C1orf105: variants seen among roughly 807,000 people sequenced by gnomAD.
C1orf105 encodes uncharacterized protein C1orf105.
In C1orf105, 17 loss-of-function variants were observed where a neutral mutation model predicts 20.8. That is an observed-to-expected ratio of 0.82 (90% CI 0.56 to 1.23). The LOEUF is 1.23. Among genes scored for constraint, C1orf105 ranks in the 50% most tolerant of loss-of-function variants. The pLI is 0.00. For synonymous variants in C1orf105, 72 were observed against 72.1 expected (o/e 1.00, Z 0.01); for missense variants, 219 against 213.5 (o/e 1.03, Z -0.16).
At chr1:172,428,945 G>C in intron 1 of C1orf105, 1 of 572,222 alleles carries the variant, frequency 1.7e-6, no homozygotes. Flanking sequence ...ATATTTTGTT[G>C]GATTTTGGGG....
chr1:172,431,326 G>A (rs988068890), intron 1 of C1orf105: 10 of 396,542 alleles, frequency 2.5e-5, no homozygotes, highest in Non-Finnish European at 4.0e-5. Context: ...GAGCCTTACT[G>A]TTAATACAGA....
intron 1 of C1orf105, 76 bp downstream of exon 1, chr1:172,420,982 G>T: frequency 7.3e-7 from 1 of 1,375,960 alleles, no homozygotes; most frequent in Non-Finnish European, 1.0e-6. Flanking sequence ...TGCCTTGGAG[G>T]CCACATAAAC....
intron 1 of C1orf105, chr1:172,442,370 G>T (rs749584382): frequency 1.9e-6 from 3 of 1,613,236 alleles, no homozygotes; most frequent in African/African-American, 2.7e-5. Context: ...GTCCCTAAAA[G>T]CCAATGGGGG....
intron 3 of C1orf105, 72 bp downstream of exon 3, chr1:172,448,603 C>T (rs1178132016): frequency 2.3e-6 from 2 of 867,292 alleles, no homozygotes; most frequent in Non-Finnish European, 3.9e-6. Context: ...ATACATGTCC[C>T]ATCTCCTTAG....
At chr1:172,452,194 C>T (rs1380885221) in intron 3 of C1orf105, among the ~76,000 whole-genome samples, 1 of 152,142 alleles carries the variant, frequency 6.6e-6, no homozygotes, top group Non-Finnish European at 1.5e-5. Flanking sequence ...TAAGAGTTTA[C>T]TCTTCCCCTG....
intron 1 of C1orf105, among the ~76,000 whole-genome samples, chr1:172,433,406 C>T (rs988654455): frequency 1.3e-5 from 2 of 152,206 alleles, no homozygotes; most frequent in African/African-American, 4.8e-5. Context: ...GTAGACCTCT[C>T]AGCAGAAACC....
chr1:172,468,702 G>A lies in C1orf105; in HGVS notation c.*108G>A. 7.8e-7 allele frequency: 1 copy of A among 1,287,630 alleles called. No individual in the cohort carries two copies. The highest frequency in any genetic ancestry group is 2.2e-5 in the Admixed American group (1 of 44,544). 79.8% of individuals were successfully genotyped at this position (1,287,630 alleles called of 1,614,324 possible). ...CACAATTTTCTCTCTTCTCCCAAAAGATGATTTAATTTTGCCTTCCTAAGA... is the reference window on the plus strand; with the variant it reads ...CACAATTTTCTCTCTTCTCCCAAAAAATGATTTAATTTTGCCTTCCTAAGA... On this transcript the variant is annotated 3_prime_UTR_variant, in exon 7 of 7. Transcript: ENST00000367727.
chr1:172,459,339 C>T (rs1649528261), intron 4 of C1orf105, among the ~76,000 whole-genome samples: 1 of 152,042 alleles, frequency 6.6e-6, no homozygotes, highest in Non-Finnish European at 1.5e-5. Context: ...ACTTAAAACT[C>T]AACAATAAAA....
At chr1:172,443,034 G>A (rs1033122054) in intron 1 of C1orf105, 6 of 180,926 alleles carry the variant, frequency 3.3e-5, no homozygotes, top group Admixed American at 2.3e-4. Flanking sequence ...CGCTTATTGA[G>A]TACCTACTAT....
At chr1:172,451,242 C>T (rs2149179950) in intron 3 of C1orf105, 1 of 152,366 alleles carries the variant, frequency 6.6e-6, no homozygotes, top group South Asian at 2.1e-4. Flanking sequence ...TGCCACTCCA[C>T]CCTCTCAATT....
intron 1 of C1orf105, among the ~76,000 whole-genome samples, chr1:172,439,785 A>G (rs542944303): frequency 6.6e-6 from 1 of 152,302 alleles, no homozygotes; most frequent in South Asian, 2.1e-4. Flanking sequence ...AAAAACTACA[A>G]TTTCATAGAA....
Position 172,421,863 on chromosome 1 carries a change from T to C in C1orf105, c.21+957T>C, listed in dbSNP as rs150919599. ...TGCACTTGGAGGGAGGGCACAGCGA[T>C]TGTGGGACTCTAGAATTCAGTGCTG... On this transcript the variant is annotated intron_variant, in intron 1 of 6. Transcript: ENST00000367727. 3.3e-5 allele frequency among the ~76,000 whole-genome samples: 5 copies of C among 151,642 alleles called. No individual in the cohort carries two copies. In the East Asian group the frequency reaches 7.8e-4, roughly 24 times the overall value.
chr1:172,442,273 C>A (rs1403279379), intron 1 of C1orf105: 2 of 1,613,824 alleles, frequency 1.2e-6, no homozygotes, highest in Non-Finnish European at 1.7e-6. Flanking sequence ...CAGGTCAGCC[C>A]ACCGGGTCTG....
Position 172,456,409 on chromosome 1 carries a change from C to T in C1orf105, c.199-6C>T. ...CTCACCTCTCTCTGTCTCTCTTTCC[C>T]CTCAGGCCAGGAGGAACCAGTGTGA... On this transcript the variant is annotated splice_polypyrimidine_tract_variant and splice_region_variant and intron_variant, in intron 3 of 6. Coordinates refer to ENST00000367727, the MANE Select transcript of C1orf105 (RefSeq NM_139240.4). 1 of 1,612,126 alleles carries T rather than the reference C, an allele frequency of 6.2e-7. No homozygotes were observed. Among genetic ancestry groups the T allele is most frequent in the Non-Finnish European group, 8.5e-7 (1 of 1,179,598 alleles).
intron 1 of C1orf105, 71 bp downstream of exon 1, chr1:172,420,977 T>C: frequency 1.4e-6 from 2 of 1,396,122 alleles, no homozygotes; most frequent in Non-Finnish European, 2.0e-6. Context: ...TTGTATGCCT[T>C]GGAGGCCACA....
At chr1:172,442,691 T>G in intron 1 of C1orf105, 1 of 1,366,632 alleles carries the variant, frequency 7.3e-7, no homozygotes, top group Admixed American at 1.9e-5. Flanking sequence ...TTCTTGTTCT[T>G]TATGAAGTTT....
chr1:172,433,716 T>C (rs142726169), intron 1 of C1orf105, among the ~76,000 whole-genome samples: 34 of 152,212 alleles, frequency 2.2e-4, no homozygotes, highest in Non-Finnish European at 1.8e-4. Context: ...GATATCCAGC[T>C]AACATCACAA....
At chr1:172,444,100 C>T (rs1393141354) in intron 1 of C1orf105, 1 of 995,264 alleles carries the variant, frequency 1.0e-6, no homozygotes, top group Non-Finnish European at 1.2e-6. Context: ...GCCGCAATCT[C>T]CTTAGCGAGG....
intron 3 of C1orf105, chr1:172,451,140 A>C (rs1447864642): frequency 3.3e-5 from 5 of 152,290 alleles, no homozygotes; most frequent in Non-Finnish European, 1.5e-5. Context: ...GACCCGGAAA[A>C]CTGCAGCTGG....
Sources: gnomAD v4.1 joint callset for allele counts (sites outside exome capture counted in the v4.1 genomes callset) on GRCh38, gnomAD v4.1.1 for gene constraint, MANE v1.5 for transcripts, NCBI Gene and HGNC (gene_info 2026-07-23, HGNC 2026-07-21) for gene names.